The following AIG1 variants were observed in gnomAD, a reference collection of about 807,000 sequenced individuals.
AIG1 encodes the protein androgen-induced gene 1 protein.
Under a neutral mutation model 31.4 loss-of-function variants are expected in AIG1, and 23 were observed. The ratio of observed to expected loss-of-function variants is 0.73; its 90% CI spans 0.53 to 1.04. The LOEUF (loss-of-function observed/expected upper bound fraction) is 1.04, where lower values mean the gene tolerates loss of function less well. AIG1 is among the 50% of genes least tolerant of loss of function. The probability of loss-of-function intolerance (pLI) is 0.00; values close to 1 mark genes in which losing one functional copy is unlikely to be tolerated. For synonymous variants in AIG1, 100 were observed against 110.5 expected (o/e 0.90, Z 0.60); for missense variants, 274 against 295.0 (o/e 0.93, Z 0.52).
At chr6:143,089,135 G>C (rs1461153785) in intron 1 of AIG1, among the ~76,000 whole-genome samples, 1 of 151,910 alleles carries the variant, frequency 6.6e-6, no homozygotes, top group Non-Finnish European at 1.5e-5. Flanking sequence ...GCTTGAACCT[G>C]GGTGGCAGAG....
chr6:143,061,292 T>C, intron 1 of AIG1: 1 of 660,952 alleles, frequency 1.5e-6, no homozygotes, highest in South Asian at 1.5e-5. Context: ...CTGGGTACCC[T>C]TACCTGGCAA....
chr6:143,271,465 T>C (rs1175974683), intron 3 of AIG1, among the ~76,000 whole-genome samples: 1 of 152,250 alleles, frequency 6.6e-6, no homozygotes, highest in East Asian at 1.9e-4. Flanking sequence ...AATGTCTCCA[T>C]GTCAAACATA....
chr6:143,184,294 G>C (rs970641662), intron 3 of AIG1, among the ~76,000 whole-genome samples: 4 of 152,104 alleles, frequency 2.6e-5, no homozygotes, highest in African/African-American at 4.8e-5. Context: ...CCAGTCCCCT[G>C]TGTTCCCCTC....
At chr6:143,322,227 T>G (rs1776270558) in intron 4 of AIG1, among the ~76,000 whole-genome samples, 1 of 152,128 alleles carries the variant, frequency 6.6e-6, no homozygotes, top group African/African-American at 2.4e-5. Context: ...ATCAGGACAT[T>G]GTTTGCAGTA....
In AIG1 at chr6:143,331,319, C is replaced by T. The variant is rs1157503346; in HGVS notation, c.516-1963C>T. Among the ~76,000 whole-genome samples the T allele has an allele frequency of 1.3e-5, 2 of 152,072 alleles. No individual in the cohort carries two copies. The highest frequency in any genetic ancestry group is 2.9e-5 in the Non-Finnish European group (2 of 68,016). ...ACCCAAAATTTTCTCATCATCCCCC[C>T]ACATAAACTCTGTTCCCGTTAAACA... is the stretch of plus-strand genomic sequence containing the variant. On this transcript the variant is annotated intron_variant, in intron 4 of 5. Transcript: ENST00000357847. The surrounding 1 kb of genome is among the most constrained non-coding windows in gnomAD (Gnocchi z 4.1).
At chr6:143,144,028 C>T (rs1438705122) in intron 2 of AIG1, among the ~76,000 whole-genome samples, 1 of 152,308 alleles carries the variant, frequency 6.6e-6, no homozygotes, top group Middle Eastern at 3.4e-3. Context: ...TCAATCATCT[C>T]ATATATTCTT....
At chr6:143,248,218 T>A (rs562469267) in intron 3 of AIG1, among the ~76,000 whole-genome samples, 13 of 152,202 alleles carry the variant, frequency 8.5e-5, no homozygotes, top group Non-Finnish European at 5.9e-5. Context: ...TACCAATATC[T>A]GCAAGTAAAG....
rs534566470 is a variant in AIG1, at chr6:143,257,025, G to T, written c.400-27085G>T. Among the ~76,000 whole-genome samples, 19 of 152,062 alleles carry T rather than the reference G, an allele frequency of 1.2e-4. No individual in the cohort carries two copies. In the South Asian group the frequency reaches 3.8e-3, roughly 30 times the overall value. On this transcript the variant is annotated intron_variant, in intron 3 of 5. Transcript: ENST00000357847. ...GTCTCATTTGTCCATAAAGCATGCA[G>T]CTAGAGTCACAGAATCTACACATTT... is the stretch of plus-strand genomic sequence containing the variant.
chr6:143,181,397 G>T (rs1211562578), intron 3 of AIG1, among the ~76,000 whole-genome samples: 1 of 152,184 alleles, frequency 6.6e-6, no homozygotes, highest in Non-Finnish European at 1.5e-5. Flanking sequence ...ACTGCTTCAT[G>T]CTATTCCTGT....
chr6:143,117,432 A>G (rs1314390041), intron 1 of AIG1, among the ~76,000 whole-genome samples: 1 of 152,184 alleles, frequency 6.6e-6, no homozygotes, highest in Non-Finnish European at 1.5e-5. Context: ...ATTTTTAAAG[A>G]TAGAGCCAAC....
At chr6:143,308,766 G>A (rs552764768) in intron 4 of AIG1, among the ~76,000 whole-genome samples, 19 of 152,154 alleles carry the variant, frequency 1.2e-4, no homozygotes, top group African/African-American at 3.9e-4. Context: ...CTTCCTATAC[G>A]ATACCTGAAA....
chr6:143,217,321 A>G (rs1051360174), intron 3 of AIG1, among the ~76,000 whole-genome samples: 7 of 152,224 alleles, frequency 4.6e-5, no homozygotes, highest in African/African-American at 1.7e-4. Flanking sequence ...TGATGGTTGC[A>G]TAATATTCCA....
chr6:143,241,135 C>G (rs779120609), intron 3 of AIG1, among the ~76,000 whole-genome samples: 1 of 152,068 alleles, frequency 6.6e-6, no homozygotes, highest in African/African-American at 2.4e-5. Flanking sequence ...TAAAACACAG[C>G]CTTTACAGTT....
rs895148545 is a variant in AIG1, at chr6:143,284,673, A to G, written c.515+448A>G. Reference sequence around the variant, plus strand: ...TGAAAATGTATGTTTTCCCTGGTCCATTTAAAACCTACTCCAGAATTAACT... The same window carrying G: ...TGAAAATGTATGTTTTCCCTGGTCCGTTTAAAACCTACTCCAGAATTAACT... On this transcript the variant is annotated intron_variant, in intron 4 of 5. Coordinates refer to ENST00000357847, the MANE Select transcript of AIG1 (RefSeq NM_016108.4). This position sits in a 1 kb window ranked among gnomAD's most constrained non-coding sequence, Gnocchi z 4.4. Among the ~76,000 whole-genome samples, 4 of 152,184 alleles carry G rather than the reference A, an allele frequency of 2.6e-5. No individual in the cohort carries two copies. Among genetic ancestry groups the G allele is most frequent in the African/African-American group, 7.2e-5 (3 of 41,434 alleles).
chr6:143,060,929 G>A lies in AIG1; in HGVS notation c.4G>A (p.Ala2Thr), dbSNP rs1348531613. The A allele has an allele frequency of 6.2e-7, 1 of 1,608,006 alleles. No homozygotes were observed. Among genetic ancestry groups the A allele is most frequent in the African/African-American group, 1.3e-5 (1 of 74,776 alleles). M[A>T]LVPCQVLRMA... ...CCGGTCCAGGCCTCTGGCGAACATG[G>A]CGCTTGTCCCCTGCCAGGTGCTGCG... The change falls in exon 1 of 6, where the codon GCG becomes ACG. Residue 2 changes from alanine to threonine, a missense_variant. Transcript: ENST00000357847.
At position 143,280,804 on chromosome 6, in the gene AIG1, G is replaced by A. The variant is rs1351556817; in HGVS notation, c.400-3306G>A. On this transcript the variant is annotated intron_variant, in intron 3 of 5. Coordinates refer to ENST00000357847, the MANE Select transcript of AIG1 (RefSeq NM_016108.4). The surrounding 1 kb of genome is among the most constrained non-coding windows in gnomAD (Gnocchi z 4.1). ...TAATACCTGGGTGATGAGATAATAC[G>A]TACAATGAAACCCCATGACGTGTGT... 4.6e-5 allele frequency among the ~76,000 whole-genome samples: 7 copies of A among 152,002 alleles called. No homozygotes were observed. Among genetic ancestry groups the A allele is most frequent in the African/African-American group, 1.4e-4 (6 of 41,380 alleles).
chr6:143,157,277 G>T (rs895099880), intron 2 of AIG1, among the ~76,000 whole-genome samples: 5 of 152,188 alleles, frequency 3.3e-5, no homozygotes, highest in African/African-American at 9.6e-5. Flanking sequence ...TGCGGGCCAG[G>T]CTCCTCTGGC....
In AIG1 at chr6:143,235,009, C is replaced by T. The variant is rs1235299329; in HGVS notation, c.400-49101C>T. ...CGGGGGTGGAGAGGCCTAATCATTA[C>T]TACATAGCCCTGCATGCATGCATGT... On this transcript the variant is annotated intron_variant, in intron 3 of 5. Coordinates refer to ENST00000357847, the MANE Select transcript of AIG1 (RefSeq NM_016108.4). Among the ~76,000 whole-genome samples, 3 of 152,176 alleles carry T rather than the reference C, an allele frequency of 2.0e-5. No homozygotes were observed. The East Asian group carries it at 5.8e-4, about 29-fold the overall frequency.
chr6:143,083,753 G>C (rs1778504818), intron 1 of AIG1, among the ~76,000 whole-genome samples: 1 of 152,162 alleles, frequency 6.6e-6, no homozygotes, highest in South Asian at 2.1e-4. Flanking sequence ...GGGAAAGGAG[G>C]CAGAATCCTT....
Sources: allele counts gnomAD v4.1 joint callset (sites outside exome capture counted in the v4.1 genomes callset), GRCh38; gene constraint gnomAD v4.1.1; non-coding constraint Gnocchi (gnomAD v3.1); transcripts MANE v1.5; gene names NCBI Gene and HGNC (gene_info 2026-07-23, HGNC 2026-07-21).